The following EPB41L4A variants were observed in gnomAD, a reference collection of about 807,000 sequenced individuals.
EPB41L4A encodes the protein band 4.1-like protein 4A.
Under a neutral mutation model 108.6 loss-of-function variants are expected in EPB41L4A, and 100 were observed. That is an observed-to-expected ratio of 0.92 (90% CI 0.78 to 1.09). EPB41L4A has a LOEUF of 1.09. EPB41L4A is among the 50% of genes least tolerant of loss of function. The pLI is 0.00. For synonymous variants in EPB41L4A, 319 were observed against 289.0 expected, an observed-to-expected ratio of 1.10 and a Z score of -1.05; for missense variants, 1,030 against 842.7, an observed-to-expected ratio of 1.22 and a Z score of -2.75.
intron 6 of EPB41L4A, among the ~76,000 whole-genome samples, chr5:112,263,030 G>A (rs1008399912): frequency 2.6e-5 from 4 of 152,146 alleles, no homozygotes; most frequent in Admixed American, 6.5e-5. Flanking sequence ...GGATCATATC[G>A]AGATCTCCTG....
intron 13 of EPB41L4A, among the ~76,000 whole-genome samples, chr5:112,207,817 T>C (rs142346906): frequency 1.2e-3 from 188 of 152,230 alleles, no homozygotes; most frequent in African/African-American, 4.4e-3. Context: ...TTTACACTGT[T>C]GGGGGAAATA....
intron 1 of EPB41L4A, among the ~76,000 whole-genome samples, chr5:112,410,046 C>T (rs1191598014): frequency 1.3e-5 from 2 of 152,152 alleles, no homozygotes; most frequent in Non-Finnish European, 1.5e-5. Flanking sequence ...GCCTCTCCAG[C>T]TCCGCATCAA....
chr5:112,397,449 T>C (rs1761434970), intron 1 of EPB41L4A, among the ~76,000 whole-genome samples: 2 of 152,194 alleles, frequency 1.3e-5, no homozygotes, highest in Admixed American at 6.5e-5. Context: ...TAGTGCTGTG[T>C]TTGATGCTGT....
chr5:112,370,468 C>T (rs76716581), intron 1 of EPB41L4A, among the ~76,000 whole-genome samples: 5,137 of 151,778 alleles, frequency 0.034, 154 homozygotes, highest in African/African-American at 0.079. Context: ...GTAATGTGTC[C>T]AGTTTACAAT....
Position 112,154,737 on chromosome 5 carries a change from A to G in EPB41L4A, n.994+3664T>C, listed in dbSNP as rs144845030. Among the ~76,000 whole-genome samples the G allele has an allele frequency of 1.7e-3, 255 of 152,350 alleles. 2 individuals carry two copies. Among genetic ancestry groups the G allele is most frequent in the East Asian group, 8.5e-3 (44 of 5,196 alleles). ...TTAATTAACAAATGTGGAGTGATTC[A>G]TCATTGCTAAAGTGACATAAATGCT... On this transcript the variant is annotated intron_variant and non_coding_transcript_variant, in intron 12 of 13. Transcript: ENST00000507810.
intron 18 of EPB41L4A, among the ~76,000 whole-genome samples, chr5:112,179,278 A>C (rs1415476975): frequency 6.6e-6 from 1 of 152,082 alleles, no homozygotes; most frequent in African/African-American, 2.4e-5. Flanking sequence ...AGGAAGAAAA[A>C]AATGCTTTTA....
intron 1 of EPB41L4A, among the ~76,000 whole-genome samples, chr5:112,335,179 AG>A (rs906896548): frequency 1.3e-5 from 2 of 151,844 alleles, no homozygotes; most frequent in Non-Finnish European, 2.9e-5. Flanking sequence ...ACAGGAGGGC[AG>A]GGGAGAGATT....
At chr5:112,266,117 T>TC (rs1580565451) in intron 5 of EPB41L4A, 116 bp downstream of exon 5, 2 of 740,064 alleles carry the variant, frequency 2.7e-6, no homozygotes, top group Non-Finnish European at 4.3e-6. Flanking sequence ...AAATTCAATT[T>TC]CTTTTTTTTG....
At chr5:112,357,579 T>C (rs1362215292) in intron 1 of EPB41L4A, among the ~76,000 whole-genome samples, 1 of 152,168 alleles carries the variant, frequency 6.6e-6, no homozygotes, top group African/African-American at 2.4e-5. Flanking sequence ...CAAGCAAAAG[T>C]GGACTTCTAC....
In EPB41L4A at chr5:112,418,989, G is replaced by C. The variant is rs376831986; in HGVS notation, c.51C>G (p.Leu17=). ...VPEEFYCEVL[L]LDESKLTLTT... ...TAAGGGTTAACTTGGATTCATCCAG[G>C]AGCAAAACTTCGCAGTAAAATTCTT... The change falls in exon 1 of 23, where the codon CTC becomes CTG. Residue 17 remains leucine (L), a synonymous_variant. Transcript: ENST00000261486. 50 of 1,613,472 alleles carry C rather than the reference G, an allele frequency of 3.1e-5. No homozygotes were observed. The African/African-American group carries it at 5.9e-4, about 19-fold the overall frequency.
intron 18 of EPB41L4A, among the ~76,000 whole-genome samples, chr5:112,182,684 T>A (rs940368409): frequency 6.6e-6 from 1 of 152,176 alleles, no homozygotes; most frequent in African/African-American, 2.4e-5. Context: ...GGTAAAAATA[T>A]GGTGGCAAAA....
At chr5:112,405,812 T>G (rs940038413) in intron 1 of EPB41L4A, among the ~76,000 whole-genome samples, 1 of 152,200 alleles carries the variant, frequency 6.6e-6, no homozygotes, top group African/African-American at 2.4e-5. Context: ...TGATTATAAA[T>G]TGTCTCATAT....
chr5:112,160,704 G>A (rs781694035), downstream of EPB41L4A: 1 of 154,322 alleles, frequency 6.5e-6, no homozygotes, highest in Non-Finnish European at 1.5e-5. Flanking sequence ...TCCTCCCTTT[G>A]GTGACACGCC....
intron 7 of EPB41L4A, among the ~76,000 whole-genome samples, chr5:112,261,384 A>G (rs1751471280): frequency 6.6e-6 from 1 of 152,240 alleles, no homozygotes. Flanking sequence ...TTAAAAACTG[A>G]GTTCCATAAT....
intron 17 of EPB41L4A, among the ~76,000 whole-genome samples, chr5:112,184,499 G>A (rs1233177033): frequency 1.3e-5 from 2 of 152,176 alleles, no homozygotes. Flanking sequence ...TATTTTAAAT[G>A]TGCTAGTCAA....
chr5:112,382,691 G>A (rs1038301145), intron 1 of EPB41L4A, among the ~76,000 whole-genome samples: 2 of 152,114 alleles, frequency 1.3e-5, no homozygotes, highest in Non-Finnish European at 2.9e-5. Context: ...GGAGGGTTGG[G>A]GGAACAGTCC....
At chr5:112,330,293 T>A (rs750564976) in intron 1 of EPB41L4A, among the ~76,000 whole-genome samples, 1 of 151,978 alleles carries the variant, frequency 6.6e-6, no homozygotes, top group Non-Finnish European at 1.5e-5. Flanking sequence ...ATAGTTAAGG[T>A]CTCATTCTTA....
At chr5:112,282,967 G>T (rs533612977) in intron 2 of EPB41L4A, among the ~76,000 whole-genome samples, 116 of 152,012 alleles carry the variant, frequency 7.6e-4, no homozygotes, top group Non-Finnish European at 1.3e-3. Context: ...ACTAAAGCCA[G>T]CTAAAGAAAA....
chr5:112,259,840 C>T (rs1391598158), intron 8 of EPB41L4A, 51 bp downstream of exon 8: 1 of 1,325,022 alleles, frequency 7.5e-7, no homozygotes, highest in South Asian at 1.2e-5. Context: ...ACACAGGAGT[C>T]CCATAAGCCC....
Sources: allele counts gnomAD v4.1 joint callset (sites outside exome capture counted in the v4.1 genomes callset), GRCh38; gene constraint gnomAD v4.1.1; transcripts MANE v1.5; gene names NCBI Gene and HGNC (gene_info 2026-07-23, HGNC 2026-07-21).